Variants in VRK1 observed in about 807,000 individuals in gnomAD.
VRK1 encodes VRK serine/threonine kinase 1.
A neutral mutation model predicts 57.1 loss-of-function variants in VRK1; 33 were observed. The observed-to-expected ratio is 0.58, with a 90% CI of 0.44 to 0.77. The LOEUF (loss-of-function observed/expected upper bound fraction) is 0.77. Among genes scored for constraint, VRK1 ranks in the 30% least tolerant of loss-of-function variants. The pLI is 0.00. For missense variants in VRK1, 413 were observed against 477.3 expected (o/e 0.87, Z 1.25); for synonymous variants, 137 against 147.8 (o/e 0.93, Z 0.53).
chr14:96,817,962 A>G (rs1353285004), intron 1 of VRK1, among the ~76,000 whole-genome samples: 3 of 152,148 alleles, frequency 2.0e-5, no homozygotes, highest in Non-Finnish European at 2.9e-5. Context: ...ACTCTCTTGG[A>G]TAGGCACAAC....
intron 3 of VRK1, among the ~76,000 whole-genome samples, chr14:96,842,403 A>G (rs1887499685): frequency 6.6e-6 from 1 of 152,222 alleles, no homozygotes; most frequent in South Asian, 2.1e-4. Context: ...TTAAAACATT[A>G]TGGACTATTA....
At chr14:96,858,422 C>T (rs1308375593) in intron 10 of VRK1, among the ~76,000 whole-genome samples, 1 of 152,142 alleles carries the variant, frequency 6.6e-6, no homozygotes, top group African/African-American at 2.4e-5. Context: ...CAGTAGTTTC[C>T]TCATTGTCAT....
At chr14:96,803,754 C>G (rs1218679586) in intron 1 of VRK1, among the ~76,000 whole-genome samples, 1 of 152,126 alleles carries the variant, frequency 6.6e-6, no homozygotes. Context: ...TTTGTGCGTA[C>G]TGGTATCTTG....
intron 7 of VRK1, among the ~76,000 whole-genome samples, chr14:96,854,969 CT>C (rs1888094054): frequency 6.6e-6 from 1 of 152,078 alleles, no homozygotes; most frequent in African/African-American, 2.4e-5. Flanking sequence ...ATATACTTAT[CT>C]TAAAAAAGTA....
intron 11 of VRK1, among the ~76,000 whole-genome samples, chr14:96,868,246 AG>A (rs1243261174): frequency 6.6e-6 from 1 of 152,040 alleles, no homozygotes; most frequent in Non-Finnish European, 1.5e-5. Context: ...ATTTTAATGG[AG>A]GTGCTTGTGA....
Position 96,856,095 on chromosome 14 carries a change from T to G in VRK1, c.710-35T>G, listed in dbSNP as rs753709931. On this transcript the variant is annotated intron_variant, in intron 8 of 12. Transcript: ENST00000216639. ...TTTAAATTATACATTAAAAATTATT[T>G]CAGTCTACCTAATGTTCTTCTCTTG... The G allele has an allele frequency of 3.1e-6, 5 of 1,609,770 alleles. No homozygotes were observed. The South Asian group carries it at 5.5e-5, about 18-fold the overall frequency.
intron 12 of VRK1, among the ~76,000 whole-genome samples, chr14:96,879,553 A>G (rs149159000): frequency 6.6e-6 from 1 of 152,324 alleles, no homozygotes; most frequent in East Asian, 1.9e-4. Flanking sequence ...AGTATTGATT[A>G]TTGACCTTGA....
At chr14:96,879,861 G>A (rs924636654) in intron 12 of VRK1, among the ~76,000 whole-genome samples, 1 of 151,704 alleles carries the variant, frequency 6.6e-6, no homozygotes, top group African/African-American at 2.4e-5. Context: ...CCCAGGAGGC[G>A]GAGGTTGCCT....
At position 96,871,020 on chromosome 14, in the gene VRK1, GT is replaced by G. The variant is rs200545414; in HGVS notation, c.1069-5003del. Among the ~76,000 whole-genome samples, 1,462 of 152,206 alleles carry G rather than the reference GT, an allele frequency of 9.6e-3. 19 individuals are homozygous for G. The highest frequency in any genetic ancestry group is 0.033 in the African/African-American group (1,389 of 41,524). ...ATCAACCCTGATAGCCAACCAGATGGTTTTTTTCCTCCATTTATTCTGACAA... is the reference window on the plus strand; with the variant it reads ...ATCAACCCTGATAGCCAACCAGATGGTTTTTTCCTCCATTTATTCTGACAA... On this transcript the variant is annotated intron_variant, in intron 11 of 12. Transcript: ENST00000216639.
intron 4 of VRK1, 98 bp downstream of exon 4, chr14:96,846,262 T>A (rs927811394): frequency 1.6e-6 from 2 of 1,219,340 alleles, no homozygotes; most frequent in Non-Finnish European, 2.4e-6. Context: ...TATGACTCTT[T>A]GTTATTTTTT....
At chr14:96,828,581 T>C (rs577107755) in intron 1 of VRK1, among the ~76,000 whole-genome samples, 1 of 152,184 alleles carries the variant, frequency 6.6e-6, no homozygotes, top group Non-Finnish European at 1.5e-5. Flanking sequence ...CCACCCTGAG[T>C]GTGCCCGATC....
Position 96,827,566 on chromosome 14 carries a change from C to T in VRK1, c.-5-5901C>T, listed in dbSNP as rs566548559. Among the ~76,000 whole-genome samples, 27 of 152,154 alleles carry T rather than the reference C, an allele frequency of 1.8e-4. No homozygotes were observed. In the South Asian group the frequency reaches 4.1e-3, roughly 23 times the overall value. On this transcript the variant is annotated intron_variant, in intron 1 of 12. Transcript: ENST00000216639. ...CTGGCCCTACAGAGAACTACCCTAC[C>T]GCTCAGTGGGTCACTGCCACAGTCT...
At chr14:96,840,224 T>A (rs1415624952) in intron 3 of VRK1, among the ~76,000 whole-genome samples, 1 of 152,192 alleles carries the variant, frequency 6.6e-6, no homozygotes, top group Non-Finnish European at 1.5e-5. Flanking sequence ...AGGGCTGCCA[T>A]GGACTCACTT....
At chr14:96,846,034 C>A in intron 3 of VRK1, 61 bp from the exon 4 acceptor site, 1 of 1,415,594 alleles carries the variant, frequency 7.1e-7, no homozygotes, top group South Asian at 1.2e-5. Flanking sequence ...TTTGAAGGTT[C>A]ATTGAAAATA....
chr14:96,871,375 G>T (rs1888815297), intron 11 of VRK1, among the ~76,000 whole-genome samples: 1 of 151,360 alleles, frequency 6.6e-6, no homozygotes. Flanking sequence ...ACAAAATCAA[G>T]GGTGGACTGT....
intron 1 of VRK1, among the ~76,000 whole-genome samples, chr14:96,799,033 A>G (rs1885553185): frequency 6.6e-6 from 1 of 152,214 alleles, no homozygotes; most frequent in South Asian, 2.1e-4. Context: ...GTTACTGTCA[A>G]TTTAGTTCTG....
At chr14:96,822,636 A>G (rs1254547130) in intron 1 of VRK1, among the ~76,000 whole-genome samples, 1 of 152,232 alleles carries the variant, frequency 6.6e-6, no homozygotes, top group Non-Finnish European at 1.5e-5. Context: ...GGACTAACAC[A>G]TTAGCAAAAA....
chr14:96,805,619 TAATC>T (rs1885841353), intron 1 of VRK1, among the ~76,000 whole-genome samples: 2 of 152,174 alleles, frequency 1.3e-5, no homozygotes. Flanking sequence ...ATTTTAAAAA[TAATC>T]AGTCAACAAA....
intron 1 of VRK1, among the ~76,000 whole-genome samples, chr14:96,805,083 AT>A (rs1175292257): frequency 6.6e-6 from 1 of 152,214 alleles, no homozygotes; most frequent in African/African-American, 2.4e-5. Flanking sequence ...AATCGGTCCA[AT>A]GAGGAAAAGT....
Sources: allele counts gnomAD v4.1 joint callset (sites outside exome capture counted in the v4.1 genomes callset), GRCh38; gene constraint gnomAD v4.1.1; transcripts MANE v1.5; gene names NCBI Gene and HGNC (gene_info 2026-07-23, HGNC 2026-07-21).